Variants in VPS13D observed in about 807,000 individuals in gnomAD.
VPS13D encodes the protein vacuolar protein sorting 13 homolog D.
A neutral mutation model predicts 461.9 loss-of-function variants in VPS13D; 187 were observed. The observed-to-expected ratio is 0.40, with a 90% confidence interval of 0.36 to 0.46. The LOEUF is 0.46. Ranked by LOEUF, VPS13D falls within the 20% of genes least tolerant of loss-of-function variation. VPS13D has a pLI of 0.60. For synonymous variants in VPS13D, 1,951 were observed against 1,986.3 expected, an observed-to-expected ratio of 0.98 and a Z score of 0.47; for missense variants, 4,711 against 5,364.9, an observed-to-expected ratio of 0.88 and a Z score of 3.81.
rs1326057202 is a variant in VPS13D, at chr1:12,473,670, G to C, written c.12662+13274G>C. 6.6e-6 allele frequency among the ~76,000 whole-genome samples: 1 copy of C among 152,204 alleles called. No individual in the cohort carries two copies. The highest frequency in any genetic ancestry group is 1.5e-5 in the Non-Finnish European group (1 of 68,038). ...GGTGTCAGTGTGAATATTCTCCCCT[G>C]AATGTTGGAATGTTGTGTGAAGGTG... On this transcript the variant is annotated intron_variant, in intron 67 of 69. Transcript: ENST00000620676. This position sits in a 1 kb window ranked among gnomAD's most constrained non-coding sequence, Gnocchi z 4.2.
intron 67 of VPS13D, among the ~76,000 whole-genome samples, chr1:12,493,357 C>T (rs529181412): frequency 1.1e-4 from 17 of 151,958 alleles, no homozygotes; most frequent in African/African-American, 3.6e-4. Context: ...GTGGCGGGCG[C>T]CTCTAATCCC....
chr1:12,432,806 G>A (rs1645010197), intron 65 of VPS13D, among the ~76,000 whole-genome samples: 1 of 151,960 alleles, frequency 6.6e-6, no homozygotes, highest in Non-Finnish European at 1.5e-5. Flanking sequence ...TGTTGCTCAG[G>A]CTGGTCTCTA....
chr1:12,299,137 A>C lies in VPS13D; in HGVS notation c.6034-65A>C. On this transcript the variant is annotated intron_variant, in intron 24 of 69. Coordinates refer to ENST00000620676, the MANE Select transcript of VPS13D (RefSeq NM_015378.4). The surrounding 1 kb of genome is among the most constrained non-coding windows in gnomAD (Gnocchi z 4.2). The stretch of plus-strand genomic sequence containing the variant: ...AACTCACGAAACTTTTGGGAACCTG[A>C]GGTTATTTGGTGGTAAAATTAGGGA... The C allele has an allele frequency of 2.7e-6, 4 of 1,465,240 alleles. No homozygotes were observed. The South Asian group carries it at 4.4e-5, about 16-fold the overall frequency. The allele number at this position is 1,465,240 out of a possible 1,614,324, so 90.8% of individuals were successfully genotyped here. A position where few individuals can be genotyped will look rare whatever the true frequency, so the allele number is the denominator to read the frequency against.
chr1:12,236,031 A>G (rs1242823820), intron 2 of VPS13D, among the ~76,000 whole-genome samples: 2 of 152,246 alleles, frequency 1.3e-5, no homozygotes, highest in African/African-American at 4.8e-5. Context: ...ATTTCTCAGC[A>G]GTTTTAGAAT....
intron 36 of VPS13D, among the ~76,000 whole-genome samples, chr1:12,328,698 G>A (rs1042434099): frequency 6.6e-6 from 1 of 152,138 alleles, no homozygotes; most frequent in African/African-American, 2.4e-5. Flanking sequence ...GTGCCACCAT[G>A]CCTGGCTAAT....
chr1:12,256,285 C>T (rs1253803159), intron 7 of VPS13D, 48 bp from the exon 8 acceptor site: 2 of 1,584,386 alleles, frequency 1.3e-6, no homozygotes, highest in South Asian at 2.3e-5. Context: ...GAGTGACTAC[C>T]AGAAGGAAAG....
chr1:12,332,303 T>A (rs960469043), intron 37 of VPS13D, among the ~76,000 whole-genome samples: 13 of 152,252 alleles, frequency 8.5e-5, no homozygotes, highest in African/African-American at 3.1e-4. Flanking sequence ...ATCAAGTGAA[T>A]GTCTTTCAGA....
rs1461436397 is a variant in VPS13D, at chr1:12,300,661, T to C, written c.6216+1277T>C. On this transcript the variant is annotated intron_variant, in intron 25 of 69. Transcript: ENST00000620676. ...TTGGAGGTAATTAGGATGAGGACTG[T>C]TGTTATTTGTGTTTTACATTGGGGA... 2.6e-5 allele frequency among the ~76,000 whole-genome samples: 4 copies of C among 152,206 alleles called. No homozygotes were observed. The East Asian group carries it at 7.7e-4, about 29-fold the overall frequency.
intron 60 of VPS13D, among the ~76,000 whole-genome samples, chr1:12,393,092 TC>T: frequency 6.6e-6 from 1 of 152,334 alleles, no homozygotes; most frequent in Non-Finnish European, 1.5e-5. Flanking sequence ...CACCACTAGA[TC>T]CCTAGAAATT....
intron 60 of VPS13D, among the ~76,000 whole-genome samples, 169 bp from the exon 61 acceptor site, chr1:12,400,012 C>G (rs1644553099): frequency 6.6e-6 from 1 of 152,106 alleles, no homozygotes; most frequent in African/African-American, 2.4e-5. Context: ...ATTATGACTG[C>G]TTACTTTATT....
intron 3 of VPS13D, 109 bp downstream of exon 3, chr1:12,242,699 T>A: frequency 1.2e-6 from 1 of 814,426 alleles, no homozygotes; most frequent in Non-Finnish European, 2.0e-6. Context: ...AGGAAGGATA[T>A]AGCAAATGTT....
At chr1:12,360,750 A>G (rs1214627506) in intron 50 of VPS13D, among the ~76,000 whole-genome samples, 1 of 152,182 alleles carries the variant, frequency 6.6e-6, no homozygotes, top group African/African-American at 2.4e-5. Flanking sequence ...GACTTTTCTC[A>G]GTCTTTCAGG....
chr1:12,271,076 G>C lies in VPS13D; in HGVS notation c.2055G>C (p.Lys685Asn), dbSNP rs552344931. 6.2e-7 allele frequency: 1 copy of C among 1,614,038 alleles called. No homozygotes were observed. The highest frequency in any genetic ancestry group is 1.3e-5 in the African/African-American group (1 of 75,020). ...RQYNKLKMQT[K>N]AEIRQTLDRL... ...ATAACAAGCTGAAGATGCAGACCAAGGCAGAAATCCGGCAAACTCTTGATC... is the reference window on the plus strand; with the variant it reads ...ATAACAAGCTGAAGATGCAGACCAACGCAGAAATCCGGCAAACTCTTGATC... Residue 685 changes from lysine (K) to asparagine (N), a missense_variant, in exon 17 of 70, where the codon AAG (lysine) becomes AAC (asparagine). Physicochemically the swap from Lys to Asn is moderately conservative, Grantham distance 94. Transcript: ENST00000620676.
intron 68 of VPS13D, chr1:12,499,552 G>C: frequency 1.0e-6 from 1 of 985,440 alleles, no homozygotes. Context: ...CAGAGCCAGA[G>C]AGAGCTAAAA....
chr1:12,445,970 G>A (rs540468354), intron 65 of VPS13D, among the ~76,000 whole-genome samples: 1 of 152,214 alleles, frequency 6.6e-6, no homozygotes, highest in Non-Finnish European at 1.5e-5. Context: ...TGCTAGAAGT[G>A]AAGTATCAGC....
At chr1:12,308,160 G>A (rs1007413122) in intron 26 of VPS13D, among the ~76,000 whole-genome samples, 2 of 152,168 alleles carry the variant, frequency 1.3e-5, no homozygotes, top group Non-Finnish European at 2.9e-5. Flanking sequence ...GCATGGGCAT[G>A]AGACACCGTA....
chr1:12,411,086 A>G (rs1219804525), intron 63 of VPS13D, among the ~76,000 whole-genome samples: 2 of 152,236 alleles, frequency 1.3e-5, no homozygotes, highest in Non-Finnish European at 2.9e-5. Flanking sequence ...TCACCGTTAC[A>G]CGGGAGTTCA....
At chr1:12,373,283 G>A (rs1291103712) in intron 54 of VPS13D, among the ~76,000 whole-genome samples, 1 of 151,416 alleles carries the variant, frequency 6.6e-6, no homozygotes, top group East Asian at 1.9e-4. Flanking sequence ...TCCATGCCCG[G>A]CTAATTTTTG....
chr1:12,304,438 A>C (rs533592534), intron 25 of VPS13D, 68 bp from the exon 26 acceptor site: 8 of 1,403,364 alleles, frequency 5.7e-6, no homozygotes, highest in Non-Finnish European at 5.9e-6. Context: ...TATTAAAGAT[A>C]GAGTCCCACC....
Sources: allele counts gnomAD v4.1 joint callset (sites outside exome capture counted in the v4.1 genomes callset), GRCh38; gene constraint gnomAD v4.1.1; non-coding constraint Gnocchi (gnomAD v3.1); transcripts MANE v1.5; gene names NCBI Gene and HGNC (gene_info 2026-07-23, HGNC 2026-07-21).